The following AEBP1 variants were observed in gnomAD, a reference collection of about 807,000 sequenced individuals.
AEBP1 encodes the protein AE binding protein 1, also known as adipocyte enhancer-binding protein 1.
A neutral mutation model predicts 116.5 loss-of-function variants in AEBP1; 69 were observed. The observed-to-expected ratio is 0.59, with a 90% CI of 0.49 to 0.72. The LOEUF (loss-of-function observed/expected upper bound fraction) is 0.72. Among genes scored for constraint, AEBP1 ranks in the 30% least tolerant of loss-of-function variants. The pLI, the probability that AEBP1 is intolerant of heterozygous loss-of-function variation, is 0.00. For missense variants in AEBP1, 1,444 were observed against 1,557.5 expected (o/e 0.93, Z 1.23); for synonymous variants, 627 against 627.3 (o/e 1.00, Z 0.01).
In AEBP1 at chr7:44,114,329, CCA is replaced by C; in HGVS notation, c.*71_*72del. The C allele has an allele frequency of 6.5e-7, 1 of 1,537,002 alleles. No individual in the cohort carries two copies. Among genetic ancestry groups the C allele is most frequent in the Non-Finnish European group, 8.9e-7 (1 of 1,117,708 alleles). On this transcript the variant is annotated 3_prime_UTR_variant, in exon 21 of 21. Transcript: ENST00000223357. Reference sequence around the variant, plus strand: ...CAGCAGCACTTCCCAAGCCTGCTGACCACAGTCACATCACCCATCAGCACATG... The same window carrying C: ...CAGCAGCACTTCCCAAGCCTGCTGACCAGTCACATCACCCATCAGCACATG...
In AEBP1 at chr7:44,107,771, C is replaced by T; in HGVS notation, c.740-38C>T. 1 of 1,612,714 alleles carries T rather than the reference C, an allele frequency of 6.2e-7. No homozygotes were observed. Among genetic ancestry groups the T allele is most frequent in the Non-Finnish European group, 8.5e-7 (1 of 1,179,688 alleles). On this transcript the variant is annotated intron_variant, in intron 4 of 20. Coordinates refer to ENST00000223357, the MANE Select transcript of AEBP1 (RefSeq NM_001129.5). The surrounding 1 kb of genome is among the most constrained non-coding windows in gnomAD (Gnocchi z 4.3). ...GGGGGATGTGCCAATGGGCCCATCC[C>T]AGCCTTGGGCCCCACTCTGAGCCAG...
chr7:44,111,879 T>C lies in AEBP1; in HGVS notation c.1866T>C (p.Ala622=), dbSNP rs1356622553. 6.2e-7 allele frequency: 1 copy of C among 1,613,550 alleles called. No individual in the cohort carries two copies. The highest frequency in any genetic ancestry group is 1.7e-5 in the Admixed American group (1 of 60,008). Residue 622 remains alanine, a synonymous_variant, in exon 16 of 21, where the codon GCT becomes GCC. Coordinates refer to ENST00000223357, the MANE Select transcript of AEBP1 (RefSeq NM_001129.5). This position sits in a 1 kb window ranked among gnomAD's most constrained non-coding sequence, Gnocchi z 4.7. ...ELGEPEFRYT[A]GIHGNEVLGR... ...GGGAGCCCGAGTTCCGCTACACTGC[T>C]GGGATCCATGGCAACGAGGTGCTGG...
At chr7:44,106,150 C>T (rs1586044711) in intron 1 of AEBP1, 1 of 471,968 alleles carries the variant, frequency 2.1e-6, no homozygotes, top group Non-Finnish European at 4.2e-6. Context: ...TGGCAGTTGG[C>T]AGGGATGACC....
chr7:44,108,056 T>G lies in AEBP1; in HGVS notation c.912T>G (p.Asp304Glu), dbSNP rs2096224991. 1.2e-6 allele frequency: 2 copies of G among 1,602,484 alleles called. No homozygotes were observed. The highest frequency in any genetic ancestry group is 2.3e-5 in the East Asian group (1 of 44,292). The change falls in exon 6 of 21, where the codon GAT becomes GAG. Residue 304 changes from aspartate (D) to glutamate (E), a missense_variant. Asp to Glu is a conservative substitution (Grantham distance 45). Coordinates refer to ENST00000223357, the MANE Select transcript of AEBP1 (RefSeq NM_001129.5). This position sits in a 1 kb window ranked among gnomAD's most constrained non-coding sequence, Gnocchi z 5.0. Reference protein sequence around the residue: ...LLPPLPPDYGDGYVIPNYDDM... With the variant: ...LLPPLPPDYGEGYVIPNYDDM... ...CCCCGCTGCCCCCTGACTATGGTGA[T>G]GGTTACGTGATCCCCAACTACGATG...
At position 44,113,150 on chromosome 7, in the gene AEBP1, G is replaced by C; in HGVS notation, c.2709+20G>C. 1 of 1,613,772 alleles carries C rather than the reference G, an allele frequency of 6.2e-7. No individual in the cohort carries two copies. The highest frequency in any genetic ancestry group is 8.5e-7 in the Non-Finnish European group (1 of 1,179,866). ...GAGCAGGTGGGGTGGCTAGGGCAATGCCTGGGGAGAGGAGGCTGCACAGGC... is the reference window on the plus strand; with the variant it reads ...GAGCAGGTGGGGTGGCTAGGGCAATCCCTGGGGAGAGGAGGCTGCACAGGC... On this transcript the variant is annotated intron_variant, in intron 19 of 20. Coordinates refer to ENST00000223357, the MANE Select transcript of AEBP1 (RefSeq NM_001129.5). This position sits in a 1 kb window ranked among gnomAD's most constrained non-coding sequence, Gnocchi z 5.3.
intron 1 of AEBP1, 181 bp from the exon 2 acceptor site, chr7:44,106,364 CA>C (rs1003333014): frequency 5.1e-5 from 38 of 747,836 alleles, no homozygotes; most frequent in African/African-American, 4.8e-4. Context: ...GACTTGCAGA[CA>C]GAAAATCTGG....
Position 44,106,828 on chromosome 7 carries a change from T to G in AEBP1, c.536T>G (p.Leu179Arg). The change falls in exon 2 of 21, where the codon CTG (leucine) becomes CGG (arginine). Residue 179 changes from leucine (L) to arginine (R), a missense_variant. Coordinates refer to ENST00000223357, the MANE Select transcript of AEBP1 (RefSeq NM_001129.5). ...RPPILAPSET[L>R]EWPLPPPPSP... ...CCCATTCTGGCTCCCTCAGAAACCCTGGAGTGGCCACTGCCCCCACCCCCC... is the reference window on the plus strand; with the variant it reads ...CCCATTCTGGCTCCCTCAGAAACCCGGGAGTGGCCACTGCCCCCACCCCCC... The G allele has an allele frequency of 6.2e-7, 1 of 1,606,866 alleles. No individual in the cohort carries two copies. Among genetic ancestry groups the G allele is most frequent in the Non-Finnish European group, 8.5e-7 (1 of 1,177,824 alleles).
rs780419524 is a variant in AEBP1, at chr7:44,110,988, C to T, written c.1561C>T (p.Arg521Cys). The change falls in exon 13 of 21, where the codon CGC becomes TGC. Residue 521 changes from arginine to cysteine, a missense_variant. Transcript: ENST00000223357. ...AGAGCCGGTGGTGGCTCGTTTCATCCGCATCTACCCACTCACCTGGAATGG... is the reference window on the plus strand; with the variant it reads ...AGAGCCGGTGGTGGCTCGTTTCATCTGCATCTACCCACTCACCTGGAATGG... ...LPEPVVARFI[R>C]IYPLTWNGSL... 16 of 1,613,784 alleles carry T rather than the reference C, an allele frequency of 9.9e-6. No homozygotes were observed. The highest frequency in any genetic ancestry group is 1.7e-5 in the Admixed American group (1 of 59,994).
In AEBP1 at chr7:44,106,590, G is replaced by A. The variant is rs1180881554; in HGVS notation, c.298G>A (p.Asp100Asn). The A allele has an allele frequency of 5.0e-6, 8 of 1,608,750 alleles. No individual in the cohort carries two copies. The highest frequency in any genetic ancestry group is 2.2e-5 in the East Asian group (1 of 44,814). ...TKDKGKKGKK[D>N]KGPKVPKESL... is the part of the protein sequence containing the mutation. The stretch of plus-strand genomic sequence containing the variant: ...AGACAAAGGGAAGAAAGGCAAGAAA[G>A]ACAAAGGCCCCAAGGTGCCCAAGGA... Residue 100 changes from aspartate (D) to asparagine (N), a missense_variant, in exon 2 of 21, where the codon GAC becomes AAC. Physicochemically the swap from Asp to Asn is conservative, Grantham distance 23. Transcript: ENST00000223357.
chr7:44,110,151 C>T lies in AEBP1; in HGVS notation c.1260+27C>T, dbSNP rs1013538400. 3 of 1,613,064 alleles carry T rather than the reference C, an allele frequency of 1.9e-6. No individual in the cohort carries two copies. In the African/African-American group the frequency reaches 4.0e-5, roughly 22 times the overall value. On this transcript the variant is annotated intron_variant, in intron 10 of 20. Coordinates refer to ENST00000223357, the MANE Select transcript of AEBP1 (RefSeq NM_001129.5). Reference sequence around the variant, plus strand: ...TGGGCATTGGGATGGGCCCATCTCCCAACTGGGATAAGGGACTCCTCCGCC... The same window carrying T: ...TGGGCATTGGGATGGGCCCATCTCCTAACTGGGATAAGGGACTCCTCCGCC...
chr7:44,112,396 G>T lies in AEBP1; in HGVS notation c.2217+75G>T. 1.3e-6 allele frequency: 2 copies of T among 1,487,506 alleles called. No homozygotes were observed. The highest frequency in any genetic ancestry group is 1.8e-6 in the Non-Finnish European group (2 of 1,113,278). 92.1% of individuals were successfully genotyped at this position (1,487,506 alleles called of 1,614,324 possible). On this transcript the variant is annotated intron_variant, in intron 17 of 20. Transcript: ENST00000223357. The surrounding 1 kb of genome is among the most constrained non-coding windows in gnomAD (Gnocchi z 6.6). ...GGGTCCTGGTGTTCTGGGCTTGGGG[G>T]TGGGGCTGACGGTGCCTGAACTCCA...
In AEBP1 at chr7:44,107,922, G is replaced by A. The variant is rs1343015840; in HGVS notation, c.853G>A (p.Glu285Lys). The change falls in exon 5 of 21, where the codon GAG becomes AAG. Residue 285 changes from glutamate to lysine, a missense_variant. Coordinates refer to ENST00000223357, the MANE Select transcript of AEBP1 (RefSeq NM_001129.5). This position sits in a 1 kb window ranked among gnomAD's most constrained non-coding sequence, Gnocchi z 4.3. Reference protein sequence around the residue: ...EEKAPAPAPEERIEPPVKPLL... With the variant: ...EEKAPAPAPEKRIEPPVKPLL... ...GAAGGCCCCGGCCCCAGCCCCGGAG[G>A]AGAGGATTGGTAGGATGGGGGGCAG... 4.4e-6 allele frequency: 7 copies of A among 1,588,380 alleles called. No homozygotes were observed. Among genetic ancestry groups the A allele is most frequent in the Non-Finnish European group, 3.4e-6 (4 of 1,168,378 alleles).
chr7:44,112,476 A>G lies in AEBP1; in HGVS notation c.2218-82A>G, dbSNP rs1669754058. ...GGGGATCGTGCGAGTACTGGTGTGAAGCTTCATGGAGGGTGATCGGGCTAG... is the reference window on the plus strand; with the variant it reads ...GGGGATCGTGCGAGTACTGGTGTGAGGCTTCATGGAGGGTGATCGGGCTAG... On this transcript the variant is annotated intron_variant, in intron 17 of 20. Coordinates refer to ENST00000223357, the MANE Select transcript of AEBP1 (RefSeq NM_001129.5). The surrounding 1 kb of genome is among the most constrained non-coding windows in gnomAD (Gnocchi z 6.6). The G allele has an allele frequency of 7.1e-7, 1 of 1,416,536 alleles. No homozygotes were observed. The highest frequency in any genetic ancestry group is 2.4e-5 in the East Asian group (1 of 42,420). The allele number at this position is 1,416,536 out of a possible 1,614,324, so 87.7% of individuals were successfully genotyped here.
chr7:44,106,848 C>G lies in AEBP1; in HGVS notation c.556C>G (p.Pro186Ala), dbSNP rs1319503957. 1 of 1,598,574 alleles carries G rather than the reference C, an allele frequency of 6.3e-7. No homozygotes were observed. The highest frequency in any genetic ancestry group is 8.5e-7 in the Non-Finnish European group (1 of 1,173,912). ...AACCCTGGAGTGGCCACTGCCCCCA[C>G]CCCCCAGCCCTGGCCCCGAGGAGCT... ...SETLEWPLPPPPSPGPEELPQ... is the reference protein window; with the variant it reads ...SETLEWPLPPAPSPGPEELPQ... The change falls in exon 2 of 21, where the codon CCC (proline) becomes GCC (alanine). Residue 186 changes from proline to alanine, a missense_variant. Pro to Ala is a conservative substitution (Grantham distance 27). Coordinates refer to ENST00000223357, the MANE Select transcript of AEBP1 (RefSeq NM_001129.5).
Position 44,108,035 on chromosome 7 carries a change from G to T in AEBP1, c.891G>T (p.Pro297=), listed in dbSNP as rs200809130. The change falls in exon 6 of 21, where the codon CCG becomes CCT. Residue 297 remains proline (P), a synonymous_variant. Transcript: ENST00000223357. This position sits in a 1 kb window ranked among gnomAD's most constrained non-coding sequence, Gnocchi z 5.0. Reference sequence around the variant, plus strand: ...CTCCTGTGAAGCCTCTGCTGCCCCCGCTGCCCCCTGACTATGGTGATGGTT... The same window carrying T: ...CTCCTGTGAAGCCTCTGCTGCCCCCTCTGCCCCCTGACTATGGTGATGGTT... ...IEPPVKPLLP[P]LPPDYGDGYV... is the part of the protein sequence containing the mutation. 2 of 1,593,628 alleles carry T rather than the reference G, an allele frequency of 1.3e-6. No individual in the cohort carries two copies. The highest frequency in any genetic ancestry group is 8.5e-7 in the Non-Finnish European group (1 of 1,172,594).
Position 44,108,104 on chromosome 7 carries a change from G to C in AEBP1, c.940+20G>C. The C allele has an allele frequency of 6.3e-7, 1 of 1,585,610 alleles. No homozygotes were observed. On this transcript the variant is annotated intron_variant, in intron 6 of 20. Transcript: ENST00000223357. The surrounding 1 kb of genome is among the most constrained non-coding windows in gnomAD (Gnocchi z 5.0). ...ATGACAGTGAGTACCCAGCACCCCA[G>C]AGTCTGAGGGACATAGGCAGGTGGG...
rs1223334581 is a variant in AEBP1 at position 44,108,995 on chromosome 7, T to C, written c.1018+19T>C. 5 of 1,605,860 alleles carry C rather than the reference T, an allele frequency of 3.1e-6. No homozygotes were observed. Among genetic ancestry groups the C allele is most frequent in the Non-Finnish European group, 3.4e-6 (4 of 1,176,518 alleles). On this transcript the variant is annotated intron_variant, in intron 7 of 20. Coordinates refer to ENST00000223357, the MANE Select transcript of AEBP1 (RefSeq NM_001129.5). The surrounding 1 kb of genome is among the most constrained non-coding windows in gnomAD (Gnocchi z 5.0). The stretch of plus-strand genomic sequence containing the variant: ...GAGCTGAGTGAGTGGGACCAAGGAC[T>C]TCCCACACCAGGCCTGCCCTGAAGG...
chr7:44,114,162 G>A lies in AEBP1; in HGVS notation c.3378G>A (p.Glu1126=). The change falls in exon 21 of 21, where the codon GAG becomes GAA. Residue 1126 remains glutamate (E), a synonymous_variant. Transcript: ENST00000223357. The part of the protein sequence containing the change: ...EFETQLEPEF[E]EEEEEEKEEE... ...AGACCCAGCTGGAACCCGAGTTTGA[G>A]GAAGAGGAGGAGGAGGAGAAAGAGG... 1 of 1,614,084 alleles carries A rather than the reference G, an allele frequency of 6.2e-7. No individual in the cohort carries two copies. The highest frequency in any genetic ancestry group is 1.3e-5 in the African/African-American group (1 of 75,030).
In AEBP1 at chr7:44,114,328, A is replaced by T; in HGVS notation, c.*67A>T. On this transcript the variant is annotated 3_prime_UTR_variant, in exon 21 of 21. Coordinates refer to ENST00000223357, the MANE Select transcript of AEBP1 (RefSeq NM_001129.5). Reference sequence around the variant, plus strand: ...GCAGCAGCACTTCCCAAGCCTGCTGACCACAGTCACATCACCCATCAGCAC... The same window carrying T: ...GCAGCAGCACTTCCCAAGCCTGCTGTCCACAGTCACATCACCCATCAGCAC... The T allele has an allele frequency of 6.5e-7, 1 of 1,539,926 alleles. No homozygotes were observed. Among genetic ancestry groups the T allele is most frequent in the East Asian group, 2.3e-5 (1 of 44,386 alleles).
Sources: allele counts gnomAD v4.1 joint callset, GRCh38; gene constraint gnomAD v4.1.1; non-coding constraint Gnocchi (gnomAD v3.1); transcripts MANE v1.5; gene names NCBI Gene and HGNC (gene_info 2026-07-23, HGNC 2026-07-21).